The following UNC13C variants were observed in gnomAD, a reference collection of about 807,000 sequenced individuals.
UNC13C encodes protein unc-13 homolog C.
Under a neutral mutation model 245.4 loss-of-function variants are expected in UNC13C, and 174 were observed. That is an observed-to-expected ratio of 0.71 (90% CI 0.63 to 0.80). UNC13C has a LOEUF of 0.80. Ranked by LOEUF, UNC13C falls within the 30% of genes least tolerant of loss-of-function variation. The pLI is 0.00. For missense variants in UNC13C, 2,829 were observed against 2,602.9 expected (o/e 1.09, Z -1.89); for synonymous variants, 992 against 895.1 (o/e 1.11, Z -1.93).
chr15:54,606,232 C>G (rs975543957), intron 30 of UNC13C, among the ~76,000 whole-genome samples: 3 of 152,198 alleles, frequency 2.0e-5, no homozygotes, highest in African/African-American at 7.2e-5. Context: ...CTTTTCAGCA[C>G]AGATTTCTAG....
In UNC13C at chr15:54,627,082, C is replaced by T. The variant is rs534739856; in HGVS notation, c.6614C>T (p.Ser2205Phe). ...DVAKEFVRLK[S>F]ETRSTEESA ...GCTAAAGAATTTGTAAGACTTAAAT[C>T]TGAAACAAGATCTACTGAAGAGAGT... Residue 2205 changes from serine (S) to phenylalanine (F), a missense_variant, in exon 33 of 33, where the codon TCT (serine) becomes TTT (phenylalanine). Ser to Phe is a radical substitution (Grantham distance 155). Transcript: ENST00000260323. 8.5e-5 allele frequency: 137 copies of T among 1,612,388 alleles called. 1 individual carries two copies. The East Asian group carries it at 3.0e-3, about 35-fold the overall frequency.
the UNC13C span, among the ~76,000 whole-genome samples, chr15:53,961,938 C>G: frequency 6.6e-6 from 1 of 152,142 alleles, no homozygotes; most frequent in Admixed American, 6.5e-5. Flanking sequence ...TTCACTTATT[C>G]TTCTTTCTTA....
intron 30 of UNC13C, among the ~76,000 whole-genome samples, chr15:54,575,251 G>A (rs943022361): frequency 4.6e-5 from 7 of 152,134 alleles, no homozygotes; most frequent in Non-Finnish European, 2.9e-5. Context: ...GGCCAGGCTG[G>A]CCTCGAACTC....
At chr15:54,122,115 C>T (rs1282642978) in intron 2 of UNC13C, among the ~76,000 whole-genome samples, 1 of 151,508 alleles carries the variant, frequency 6.6e-6, no homozygotes. Context: ...GATTTTGTTG[C>T]AATCTTGTTC....
intron 30 of UNC13C, among the ~76,000 whole-genome samples, chr15:54,576,251 G>T (rs779824966): frequency 1.3e-5 from 2 of 152,146 alleles, no homozygotes; most frequent in Non-Finnish European, 2.9e-5. Flanking sequence ...GTAAGTGACA[G>T]GGACAATGCC....
At chr15:54,005,113 C>A (rs1235421835) in intron 1 of UNC13C, among the ~76,000 whole-genome samples, 4 of 152,122 alleles carry the variant, frequency 2.6e-5, no homozygotes. Flanking sequence ...GAGGGATATC[C>A]TGATAAACCA....
At chr15:54,255,377 G>T (rs144021631) in intron 8 of UNC13C, among the ~76,000 whole-genome samples, 2 of 152,154 alleles carry the variant, frequency 1.3e-5, no homozygotes, top group Non-Finnish European at 2.9e-5. Flanking sequence ...GAGTCAGGCC[G>T]CTTGGAGGCC....
At chr15:54,452,637 G>T (rs1428598106) in intron 19 of UNC13C, among the ~76,000 whole-genome samples, 2 of 152,188 alleles carry the variant, frequency 1.3e-5, no homozygotes, top group African/African-American at 4.8e-5. Flanking sequence ...TTTCCCCATG[G>T]TGCATAGAGG....
At chr15:54,611,696 C>G (rs1900108077) in intron 30 of UNC13C, 1 of 152,046 alleles carries the variant, frequency 6.6e-6, no homozygotes, top group African/African-American at 2.4e-5. Context: ...TATGCTTTAG[C>G]CAGTATTAAA....
chr15:54,430,919 A>G (rs138313365), intron 19 of UNC13C, among the ~76,000 whole-genome samples: 6 of 151,692 alleles, frequency 4.0e-5, no homozygotes, highest in South Asian at 2.1e-4. Flanking sequence ...TAGTGATCCA[A>G]GTCTTCCCAC....
At chr15:53,968,954 T>C in the UNC13C span, among the ~76,000 whole-genome samples, 1 of 152,166 alleles carries the variant, frequency 6.6e-6, no homozygotes, top group Non-Finnish European at 1.5e-5. Flanking sequence ...ATCCCCACAA[T>C]CCCTATCTTT....
chr15:54,040,963 ACTCTG>A lies in UNC13C; in HGVS notation c.2983+25083_2983+25087del, dbSNP rs1199198018. ...CAACCCAGCATACCCAATTCCCCTC[ACTCTG>A]CTCTGTTCTCTTTGTAATTGCACTT... On this transcript the variant is annotated intron_variant, in intron 2 of 32. Transcript: ENST00000260323. 2.6e-5 allele frequency among the ~76,000 whole-genome samples: 4 copies of A among 151,698 alleles called. No homozygotes were observed. The East Asian group carries it at 7.8e-4, about 29-fold the overall frequency.
At chr15:54,419,144 C>T (rs577047271) in intron 19 of UNC13C, among the ~76,000 whole-genome samples, 2 of 152,086 alleles carry the variant, frequency 1.3e-5, no homozygotes, top group Admixed American at 6.6e-5. Context: ...CACCTTTGAC[C>T]ATCTACTAAA....
chr15:54,092,688 G>A (rs1013913601), intron 2 of UNC13C, among the ~76,000 whole-genome samples: 1 of 151,976 alleles, frequency 6.6e-6, no homozygotes, highest in East Asian at 1.9e-4. Flanking sequence ...CATTGGGGAA[G>A]GTAGACATTC....
chr15:54,350,905 T>G (rs2038967383), intron 17 of UNC13C, among the ~76,000 whole-genome samples: 1 of 152,230 alleles, frequency 6.6e-6, no homozygotes, highest in Non-Finnish European at 1.5e-5. Context: ...TGTGCTTCTT[T>G]ATATTATAAT....
At chr15:54,536,354 C>A (rs933397353) in intron 26 of UNC13C, among the ~76,000 whole-genome samples, 2 of 151,758 alleles carry the variant, frequency 1.3e-5, no homozygotes, top group Non-Finnish European at 2.9e-5. Context: ...GCCTACCAAC[C>A]AGAAAAGGCC....
chr15:54,035,385 G>A (rs1595746077), intron 2 of UNC13C, among the ~76,000 whole-genome samples: 1 of 151,370 alleles, frequency 6.6e-6, no homozygotes, highest in East Asian at 1.9e-4. Context: ...AAACATCATA[G>A]GCATGCATGA....
chr15:54,223,631 CA>C (rs1411112233), intron 4 of UNC13C, among the ~76,000 whole-genome samples: 2 of 151,672 alleles, frequency 1.3e-5, no homozygotes, highest in African/African-American at 2.4e-5. Context: ...TTTGCAATTC[CA>C]TTTAAATTTT....
At chr15:54,034,940 G>C (rs1346911818) in intron 2 of UNC13C, among the ~76,000 whole-genome samples, 1 of 152,110 alleles carries the variant, frequency 6.6e-6, no homozygotes, top group East Asian at 1.9e-4. Flanking sequence ...GTTTGCTGTG[G>C]CCTAGGAGTC....
Sources: allele counts gnomAD v4.1 joint callset (sites outside exome capture counted in the v4.1 genomes callset), GRCh38; gene constraint gnomAD v4.1.1; transcripts MANE v1.5; gene names NCBI Gene and HGNC (gene_info 2026-07-23, HGNC 2026-07-21).